SLFN12L: variants seen among roughly 807,000 people sequenced by gnomAD.
SLFN12L encodes schlafen family member 12 like.
SLFN12L carries 34 observed loss-of-function variants against 34.8 expected under a neutral mutation model. That is an observed-to-expected ratio of 0.98 (90% CI 0.74 to 1.30). The LOEUF is 1.30. Ranked by LOEUF, SLFN12L falls within the 50% of genes most tolerant of loss-of-function variation. The pLI, the probability that SLFN12L is intolerant of heterozygous loss-of-function variation, is 0.00. For synonymous variants in SLFN12L, 259 were observed against 247.5 expected (o/e 1.05, Z -0.44); for missense variants, 703 against 696.2 (o/e 1.01, Z -0.11).
rs745921804 is a variant in SLFN12L, at chr17:35,479,979, G to C, written c.303C>G (p.Ile101Met). The C allele has an allele frequency of 6.2e-7, 1 of 1,614,082 alleles. No homozygotes were observed. Among genetic ancestry groups the C allele is most frequent in the Non-Finnish European group, 8.5e-7 (1 of 1,179,992 alleles). The change falls in exon 3 of 5, where the codon ATC becomes ATG. Residue 101 changes from isoleucine to methionine, a missense_variant. Ile to Met is a conservative substitution (Grantham distance 10). Coordinates refer to ENST00000628453, the MANE Select transcript of SLFN12L (RefSeq NM_001363830.2). ...CALLNSGGGV[I>M]KAEVENKGYS... ...AGCCTTTATTCTCAACTTCAGCCTTGATCACTCCCCCTCCAGAATTCAGCA... is the reference window on the plus strand; with the variant it reads ...AGCCTTTATTCTCAACTTCAGCCTTCATCACTCCCCCTCCAGAATTCAGCA...
At chr17:35,494,719 G>A (rs1311978492) in intron 2 of SLFN12L, among the ~76,000 whole-genome samples, 1 of 152,204 alleles carries the variant, frequency 6.6e-6, no homozygotes, top group Non-Finnish European at 1.5e-5. Flanking sequence ...GGAGCAAGCT[G>A]GAGCAGGGGA....
At chr17:35,477,875 T>C in intron 4 of SLFN12L, 200 bp downstream of exon 4, 1 of 429,216 alleles carries the variant, frequency 2.3e-6, no homozygotes, top group Non-Finnish European at 4.2e-6. Context: ...ATTCACACAC[T>C]GCCTGAACGA....
At chr17:35,530,515 A>AGG in intron 1 of SLFN12L, among the ~76,000 whole-genome samples, 1 of 36,312 alleles carries the variant, frequency 2.8e-5, no homozygotes, top group East Asian at 5.2e-4. Context: ...AAAGAAAGAA[A>AGG]AGAAAAGAAA....
chr17:35,481,314 C>A (rs1247370749), intron 2 of SLFN12L, among the ~76,000 whole-genome samples: 1 of 152,226 alleles, frequency 6.6e-6, no homozygotes. Flanking sequence ...GGCCTGACAT[C>A]AGTCAGGCCT....
chr17:35,511,800 G>C (rs1473237218), intron 2 of SLFN12L, among the ~76,000 whole-genome samples: 2 of 152,118 alleles, frequency 1.3e-5, no homozygotes, highest in African/African-American at 4.8e-5. Flanking sequence ...AGCAATTCCA[G>C]GGCCAGCTAA....
chr17:35,468,377 C>A lies in SLFN12L; in HGVS notation c.*6546G>T, dbSNP rs895689301. Reference sequence around the variant, plus strand: ...TACTCAAGACCCATATCCTAGATGACATTTTCCTGGATAGGCACTCACTGC... The same window carrying A: ...TACTCAAGACCCATATCCTAGATGAAATTTTCCTGGATAGGCACTCACTGC... On this transcript the variant is annotated 3_prime_UTR_variant, in exon 5 of 5. Transcript: ENST00000628453. Among the ~76,000 whole-genome samples, 2 of 152,178 alleles carry A rather than the reference C, an allele frequency of 1.3e-5. No individual in the cohort carries two copies. The highest frequency in any genetic ancestry group is 2.9e-5 in the Non-Finnish European group (2 of 68,030).
At chr17:35,487,259 G>A (rs935794305) in intron 2 of SLFN12L, among the ~76,000 whole-genome samples, 2 of 152,268 alleles carry the variant, frequency 1.3e-5, no homozygotes, top group African/African-American at 4.8e-5. Context: ...GCTTTTTAAG[G>A]CGCTCCCCAG....
At chr17:35,525,294 T>TCC (rs1460406412) in intron 1 of SLFN12L, among the ~76,000 whole-genome samples, 6 of 152,172 alleles carry the variant, frequency 3.9e-5, no homozygotes, top group Non-Finnish European at 1.5e-5. Flanking sequence ...TTCAGGATAT[T>TCC]ATCCAAGAGA....
rs1327779658 is a variant in SLFN12L at position 35,478,189 on chromosome 17, T to C, written c.1166-4A>G. 2.0e-6 allele frequency: 3 copies of C among 1,521,744 alleles called. No homozygotes were observed. The South Asian group carries it at 3.6e-5, about 18-fold the overall frequency. 94.3% of individuals were successfully genotyped at this position (1,521,744 alleles called of 1,614,324 possible). A position where few individuals can be genotyped will look rare whatever the true frequency, so the allele number is the denominator to read the frequency against. ...GGAGAGGGCAGTTCCTCACATACTA[T>C]GGAATAATGTTAGAAAACAAAAATC... is the stretch of plus-strand genomic sequence containing the variant. On this transcript the variant is annotated splice_region_variant and splice_polypyrimidine_tract_variant and intron_variant, in intron 3 of 4. Transcript: ENST00000628453.
intron 4 of SLFN12L, among the ~76,000 whole-genome samples, chr17:35,477,057 C>A (rs1472342541): frequency 2.0e-5 from 3 of 152,180 alleles, no homozygotes; most frequent in Non-Finnish European, 4.4e-5. Flanking sequence ...ATGTCCTGAT[C>A]CTCTTACAGG....
chr17:35,517,295 T>C (rs1040679205), intron 2 of SLFN12L, among the ~76,000 whole-genome samples: 2 of 152,070 alleles, frequency 1.3e-5, no homozygotes, highest in African/African-American at 4.8e-5. Context: ...TGAACTCCCA[T>C]TCACAATTGC....
In SLFN12L at chr17:35,530,444, GAAAGAAAGAAA is replaced by G. The variant is rs1253989476; in HGVS notation, c.-606+7118_-606+7128del. ...AAGGAAGGAAGGGAAGGGAAGGGAA[GAAAGAAAGAAA>G]GAAAGAAAGAAAGAAAGAAAGAAAG... On this transcript the variant is annotated intron_variant, in intron 1 of 4. Transcript: ENST00000628453. Among the ~76,000 whole-genome samples, 24 of 16,274 alleles carry G rather than the reference GAAAGAAAGAAA, an allele frequency of 1.5e-3. 2 individuals carry two copies. The highest frequency in any genetic ancestry group is 3.3e-3 in the African/African-American group (19 of 5,772). The allele number at this position is 16,274 out of a possible 152,430, so 10.7% of individuals were successfully genotyped here. A position where few individuals can be genotyped will look rare whatever the true frequency, so the allele number is the denominator to read the frequency against.
chr17:35,508,278 T>G (rs1200120598), intron 2 of SLFN12L, among the ~76,000 whole-genome samples: 2 of 152,170 alleles, frequency 1.3e-5, no homozygotes, highest in Non-Finnish European at 2.9e-5. Context: ...TTTGGAGACG[T>G]GAGTCTGCTG....
rs181055614 is a variant in SLFN12L, at chr17:35,502,585, C to T, written c.86+19694G>A. Among the ~76,000 whole-genome samples, 5 of 150,928 alleles carry T rather than the reference C, an allele frequency of 3.3e-5. No individual in the cohort carries two copies. In the East Asian group the frequency reaches 5.8e-4, roughly 18 times the overall value. ...GGACAGGATGATAGATGGTTCCTCC[C>T]GGGCAATTGAAGGAAAAAAAAAAAA... On this transcript the variant is annotated intron_variant, in intron 2 of 4. Coordinates refer to ENST00000628453, the MANE Select transcript of SLFN12L (RefSeq NM_001363830.2).
chr17:35,468,707 A>ACTACCACTAC lies in SLFN12L; in HGVS notation c.*6215_*6216insGTAGTGGTAG, dbSNP rs1913753996. The stretch of plus-strand genomic sequence containing the variant: ...GAAGGAAAATTTAATAGTAGTTACC[A>ACTACCACTAC]CTACCTACGTCATTCTAAGAATTAA... On this transcript the variant is annotated 3_prime_UTR_variant, in exon 5 of 5. Transcript: ENST00000628453. Among the ~76,000 whole-genome samples, 1 of 152,176 alleles carries ACTACCACTAC rather than the reference A, an allele frequency of 6.6e-6. No homozygotes were observed. Among genetic ancestry groups the ACTACCACTAC allele is most frequent in the Non-Finnish European group, 1.5e-5 (1 of 68,036 alleles).
Position 35,475,302 on chromosome 17 carries a change from G to T in SLFN12L, c.1460C>A (p.Ala487Asp), listed in dbSNP as rs776868842. The change falls in exon 5 of 5, where the codon GCT (alanine) becomes GAT (aspartate). Residue 487 changes from alanine to aspartate, a missense_variant. By Grantham distance (126) the Ala-to-Asp change is moderately radical. Coordinates refer to ENST00000628453, the MANE Select transcript of SLFN12L (RefSeq NM_001363830.2). ...AGGCTTGTCCTGGGAAATCAGAAGA[G>T]CATCACAGAGGACTTTGTGGTTCTC... ...LQENHKVLCD[A>D]LLISQDKPPV... 5 of 1,614,048 alleles carry T rather than the reference G, an allele frequency of 3.1e-6. No individual in the cohort carries two copies. The highest frequency in any genetic ancestry group is 4.2e-6 in the Non-Finnish European group (5 of 1,180,038).
Position 35,522,402 on chromosome 17 carries a change from A to G in SLFN12L, c.-38T>C. 1 of 1,614,182 alleles carries G rather than the reference A, an allele frequency of 6.2e-7. No individual in the cohort carries two copies. The highest frequency in any genetic ancestry group is 8.5e-7 in the Non-Finnish European group (1 of 1,180,016). On this transcript the variant is annotated 5_prime_UTR_variant, in exon 2 of 5. Coordinates refer to ENST00000628453, the MANE Select transcript of SLFN12L (RefSeq NM_001363830.2). ...CATGATGGTCTTTCCTAAGCCAGGT[A>G]AGCCATGGACAAACAATTCTCTGTT...
At chr17:35,496,030 GGTCTC>G (rs1915057141) in intron 2 of SLFN12L, among the ~76,000 whole-genome samples, 1 of 151,942 alleles carries the variant, frequency 6.6e-6, no homozygotes, top group Non-Finnish European at 1.5e-5. Context: ...CCGATGCTGA[GGTCTC>G]GCCTATTCCT....
chr17:35,490,060 AAGCGGCGCCGT>A (rs1260914182), intron 2 of SLFN12L: 13 of 1,605,472 alleles, frequency 8.1e-6, no homozygotes. Context: ...TCTCCCTCCA[AAGCGGCGCCGT>A]AGCCACCGGC....
Sources: allele counts gnomAD v4.1 joint callset (sites outside exome capture counted in the v4.1 genomes callset), GRCh38; gene constraint gnomAD v4.1.1; transcripts MANE v1.5; gene names NCBI Gene and HGNC (gene_info 2026-07-23, HGNC 2026-07-21).